The following PLXNA4 variants were observed in gnomAD, a reference collection of about 807,000 sequenced individuals.
PLXNA4 encodes the protein plexin-A4.
In PLXNA4, 44 loss-of-function variants were observed where a neutral mutation model predicts 191.8. That is an observed-to-expected ratio of 0.23 (90% confidence interval 0.18 to 0.29). The LOEUF is 0.29. Among genes scored for constraint, PLXNA4 ranks in the 10% least tolerant of loss-of-function variants. PLXNA4 has a pLI of 1.00. For synonymous variants in PLXNA4, 1,082 were observed against 1,009.5 expected, an observed-to-expected ratio of 1.07 and a Z score of -1.36; for missense variants, 1,800 against 2,488.8, an observed-to-expected ratio of 0.72 and a Z score of 5.89.
chr7:132,247,634 A>G (rs1799104995), intron 4 of PLXNA4, among the ~76,000 whole-genome samples: 1 of 152,134 alleles, frequency 6.6e-6, no homozygotes, highest in Non-Finnish European at 1.5e-5. Context: ...GAGCTCCTCA[A>G]AGCATCTCCA....
chr7:132,350,647 G>C (rs557559423), intron 3 of PLXNA4, among the ~76,000 whole-genome samples: 11 of 152,166 alleles, frequency 7.2e-5, no homozygotes, highest in Non-Finnish European at 1.5e-4. Context: ...GACAAGTGTT[G>C]GTGAGGGTGT....
intron 2 of PLXNA4, among the ~76,000 whole-genome samples, chr7:132,608,408 G>A (rs1802983555): frequency 6.6e-6 from 1 of 152,146 alleles, no homozygotes; most frequent in Non-Finnish European, 1.5e-5. Context: ...ATTAGCATGA[G>A]GGCTACAGGT....
chr7:132,562,330 C>T (rs1396686830), intron 1 of PLXNA4, among the ~76,000 whole-genome samples: 15 of 94,650 alleles, frequency 1.6e-4, no homozygotes, highest in Non-Finnish European at 2.1e-4. Context: ...CTCCTCCTCT[C>T]TCTCCTCCTC....
At chr7:132,253,897 C>T (rs903467522) in intron 4 of PLXNA4, among the ~76,000 whole-genome samples, 1 of 152,198 alleles carries the variant, frequency 6.6e-6, no homozygotes, top group Non-Finnish European at 1.5e-5. Flanking sequence ...CGCTATCACG[C>T]ACTATGTGTG....
chr7:132,500,684 G>A (rs1474742252), intron 2 of PLXNA4, among the ~76,000 whole-genome samples: 1 of 152,158 alleles, frequency 6.6e-6, no homozygotes, highest in Non-Finnish European at 1.5e-5. Context: ...TATAACTAAA[G>A]GAGGAGACAC....
chr7:132,495,108 TGG>T (rs932510405), intron 2 of PLXNA4, among the ~76,000 whole-genome samples: 15 of 151,848 alleles, frequency 9.9e-5, no homozygotes, highest in Non-Finnish European at 1.9e-4. Context: ...TGAGGCGGGG[TGG>T]GCCCCTGATC....
chr7:132,485,046 GGCTT>G, intron 3 of PLXNA4: 2 of 1,600,686 alleles, frequency 1.2e-6, no homozygotes, highest in Admixed American at 1.8e-5. Flanking sequence ...TTTTAAAACA[GGCTT>G]GAGAAAAAAA....
chr7:132,528,995 A>G (rs199850309), intron 1 of PLXNA4, among the ~76,000 whole-genome samples: 1 of 152,264 alleles, frequency 6.6e-6, no homozygotes, highest in Non-Finnish European at 1.5e-5. Flanking sequence ...TAGGACAGCA[A>G]CAGCCATTCT....
chr7:132,286,883 C>G (rs1367298508), intron 4 of PLXNA4, among the ~76,000 whole-genome samples: 1 of 152,190 alleles, frequency 6.6e-6, no homozygotes, highest in Non-Finnish European at 1.5e-5. Flanking sequence ...GTGCTCCTTA[C>G]TATGAAGGGA....
intron 30 of PLXNA4, among the ~76,000 whole-genome samples, chr7:132,136,304 A>T (rs1795110991): frequency 6.6e-6 from 1 of 152,086 alleles, no homozygotes; most frequent in Non-Finnish European, 1.5e-5. Flanking sequence ...AAGCATTCTC[A>T]TCTGCTGGCT....
At position 132,489,394 on chromosome 7, in the gene PLXNA4, G is replaced by A. The variant is rs114402425; in HGVS notation, c.1269C>T (p.Pro423=). Residue 423 remains proline (P), a synonymous_variant, in exon 3 of 32, where the codon CCC becomes CCT. Coordinates refer to ENST00000321063, the MANE Select transcript of PLXNA4 (RefSeq NM_020911.2). ...TGCGGTCCCTGTCCTCCGTGAAGACGGGAATTCCACGCACCATGTCGGACA... is the reference window on the plus strand; with the variant it reads ...TGCGGTCCCTGTCCTCCGTGAAGACAGGAATTCCACGCACCATGTCGGACA... ...LGVSDMVRGI[P]VFTEDRDRMT... The A allele has an allele frequency of 7.0e-4, 1,131 of 1,606,254 alleles. 4 individuals are homozygous for A. In the African/African-American group the frequency reaches 0.013, roughly 19 times the overall value.
intron 3 of PLXNA4, among the ~76,000 whole-genome samples, chr7:132,398,269 C>T (rs1356992332): frequency 6.6e-6 from 1 of 152,176 alleles, no homozygotes; most frequent in Non-Finnish European, 1.5e-5. Context: ...ATATAACCTG[C>T]CATTTTCATT....
chr7:132,259,908 C>T (rs1052091541), intron 4 of PLXNA4, among the ~76,000 whole-genome samples: 1 of 152,104 alleles, frequency 6.6e-6, no homozygotes, highest in African/African-American at 2.4e-5. Context: ...AACTATATGA[C>T]CTGGAAAAGG....
chr7:132,620,093 C>A (rs370030002), intron 2 of PLXNA4, among the ~76,000 whole-genome samples: 1 of 152,174 alleles, frequency 6.6e-6, no homozygotes, highest in Non-Finnish European at 1.5e-5. Context: ...TGAGCCACCG[C>A]GCCTGGCCCA....
intron 4 of PLXNA4, among the ~76,000 whole-genome samples, chr7:132,253,424 T>C (rs1799325453): frequency 6.6e-6 from 1 of 151,970 alleles, no homozygotes; most frequent in African/African-American, 2.4e-5. Context: ...TACTTCTTTT[T>C]TGTAGAGATA....
chr7:132,180,884 T>G lies in PLXNA4; in HGVS notation c.3493-152A>C. On this transcript the variant is annotated intron_variant, in intron 18 of 31. Coordinates refer to ENST00000321063, the MANE Select transcript of PLXNA4 (RefSeq NM_020911.2). Reference sequence around the variant, plus strand: ...ATAAGTGCAAAAAATATTCATGGCATGACTACCACCATTGCCTCTTCCTCC... The same window carrying G: ...ATAAGTGCAAAAAATATTCATGGCAGGACTACCACCATTGCCTCTTCCTCC... 5 of 1,303,452 alleles carry G rather than the reference T, an allele frequency of 3.8e-6. No homozygotes were observed. The East Asian group carries it at 1.3e-4, about 33-fold the overall frequency. The allele number at this position is 1,303,452 out of a possible 1,614,324, so 80.7% of individuals were successfully genotyped here.
rs543155107 is a variant in PLXNA4 at position 132,149,671 on chromosome 7, T to C, written c.4661-1025A>G. On this transcript the variant is annotated intron_variant, in intron 25 of 31. Transcript: ENST00000321063. ...GGCAGCCCAGATCCTGCTCAATGCC[T>C]CTCAGATGCTGATACTTCTGAAATG... Among the ~76,000 whole-genome samples, 4 of 152,316 alleles carry C rather than the reference T, an allele frequency of 2.6e-5. No individual in the cohort carries two copies. The East Asian group carries it at 7.7e-4, about 29-fold the overall frequency.
intron 25 of PLXNA4, among the ~76,000 whole-genome samples, chr7:132,154,283 G>A (rs886253239): frequency 2.0e-5 from 3 of 152,132 alleles, no homozygotes; most frequent in Non-Finnish European, 4.4e-5. Context: ...TTCAACACCT[G>A]GCCACGCTGA....
At chr7:132,321,218 A>G (rs1291708840) in intron 3 of PLXNA4, among the ~76,000 whole-genome samples, 1 of 152,146 alleles carries the variant, frequency 6.6e-6, no homozygotes, top group African/African-American at 2.4e-5. Context: ...AGAGCTTGGC[A>G]GGGGTTGGTT....
Sources: gnomAD v4.1 joint callset for allele counts (sites outside exome capture counted in the v4.1 genomes callset) on GRCh38, gnomAD v4.1.1 for gene constraint, MANE v1.5 for transcripts, NCBI Gene and HGNC (gene_info 2026-07-23, HGNC 2026-07-21) for gene names.